ITGA9: variants seen among roughly 807,000 people sequenced by gnomAD.
The protein encoded by ITGA9 is integrin alpha-9.
Under a neutral mutation model 127.8 loss-of-function variants are expected in ITGA9, and 56 were observed. The ratio of observed to expected loss-of-function variants is 0.44; its 90% CI spans 0.35 to 0.55. The LOEUF is 0.55. ITGA9 is among the 20% of genes least tolerant of loss of function. ITGA9 has a pLI of 0.00. For synonymous variants in ITGA9, 508 were observed against 514.5 expected, an observed-to-expected ratio of 0.99 and a Z score of 0.17; for missense variants, 1,196 against 1,347.1, an observed-to-expected ratio of 0.89 and a Z score of 1.76.
intron 4 of ITGA9, among the ~76,000 whole-genome samples, chr3:37,493,276 G>T (rs1418281926): frequency 2.6e-5 from 4 of 152,302 alleles, no homozygotes; most frequent in South Asian, 2.1e-4. Context: ...GCAGGAAGTG[G>T]CACTGTGTTG....
chr3:37,736,930 A>G lies in ITGA9; in HGVS notation c.2181A>G (p.Thr727=). The G allele has an allele frequency of 1.2e-6, 2 of 1,613,780 alleles. No individual in the cohort carries two copies. Among genetic ancestry groups the G allele is most frequent in the Non-Finnish European group, 1.7e-6 (2 of 1,179,656 alleles). ...ATGAATTCAGCGTGATCTTTGATAC[A>G]AGCCACCTGTCTGGGGAAGAGGAAG... ...SKYEFSVIFD[T]SHLSGEEEVL... is the part of the protein sequence containing the mutation. Residue 727 remains threonine, a synonymous_variant, in exon 20 of 28, where the codon ACA becomes ACG. Transcript: ENST00000264741.
At chr3:37,773,517 TA>T (rs1373252034) in intron 23 of ITGA9, among the ~76,000 whole-genome samples, 1 of 152,178 alleles carries the variant, frequency 6.6e-6, no homozygotes, top group African/African-American at 2.4e-5. Flanking sequence ...CACAATGTAC[TA>T]TATATGCCTA....
intron 15 of ITGA9, among the ~76,000 whole-genome samples, chr3:37,622,476 C>T (rs1700137532): frequency 6.6e-6 from 1 of 152,072 alleles, no homozygotes; most frequent in Non-Finnish European, 1.5e-5. Context: ...GCTACAGGTA[C>T]AGTTTATAAT....
At chr3:37,801,923 G>A (rs1489200103) in intron 26 of ITGA9, among the ~76,000 whole-genome samples, 3 of 152,184 alleles carry the variant, frequency 2.0e-5, no homozygotes, top group African/African-American at 7.2e-5. Context: ...CGGGAATGGA[G>A]GCAATGAAGT....
chr3:37,513,746 A>G lies in ITGA9; in HGVS notation c.898-17A>G. On this transcript the variant is annotated splice_polypyrimidine_tract_variant and intron_variant, in intron 8 of 27. Transcript: ENST00000264741. ...AGCAGACACTGAATGCTTTGTTGCA[A>G]CTCAACTTGGTTGCAGATGGGCTCT... is the stretch of plus-strand genomic sequence containing the variant. The G allele has an allele frequency of 1.2e-6, 2 of 1,613,862 alleles. No homozygotes were observed. The highest frequency in any genetic ancestry group is 2.2e-5 in the East Asian group (1 of 44,858).
At chr3:37,753,180 C>G (rs1033193602) in intron 23 of ITGA9, among the ~76,000 whole-genome samples, 9 of 152,188 alleles carry the variant, frequency 5.9e-5, no homozygotes, top group Non-Finnish European at 1.3e-4. Context: ...CCTTTCTAGT[C>G]TATCTGAAAT....
intron 7 of ITGA9, among the ~76,000 whole-genome samples, chr3:37,508,263 A>T (rs1698865714): frequency 6.6e-6 from 1 of 152,248 alleles, no homozygotes; most frequent in Non-Finnish European, 1.5e-5. Context: ...GCTTTTTCTC[A>T]GAGTTGAATT....
chr3:37,503,240 C>T lies in ITGA9; in HGVS notation c.675C>T (p.Asn225=). Residue 225 remains asparagine, a synonymous_variant, in exon 6 of 28, where the codon AAC becomes AAT. Coordinates refer to ENST00000264741, the MANE Select transcript of ITGA9 (RefSeq NM_002207.3). ...GGGCTGGAACCATCAAAGTGCTGAA[C>T]CTTACGGACAACACCTATTTAAAAC... ...FYWAGTIKVL[N]LTDNTYLKLN... is the part of the protein sequence containing the mutation. The T allele has an allele frequency of 1.9e-6, 3 of 1,614,068 alleles. No homozygotes were observed. Among genetic ancestry groups the T allele is most frequent in the Non-Finnish European group, 2.5e-6 (3 of 1,179,986 alleles).
chr3:37,706,924 A>G (rs1005761821), intron 18 of ITGA9, among the ~76,000 whole-genome samples: 2 of 152,322 alleles, frequency 1.3e-5, no homozygotes, highest in African/African-American at 2.4e-5. Flanking sequence ...CTATGTTCTA[A>G]GTACAGATGA....
At chr3:37,759,495 A>AT in intron 23 of ITGA9, among the ~76,000 whole-genome samples, 1 of 152,360 alleles carries the variant, frequency 6.6e-6, no homozygotes, top group South Asian at 2.1e-4. Context: ...GATTCATCAA[A>AT]TAAAGAATAT....
intron 23 of ITGA9, among the ~76,000 whole-genome samples, chr3:37,775,246 GACA>G (rs1188855350): frequency 1.2e-4 from 18 of 152,198 alleles, no homozygotes; most frequent in African/African-American, 3.9e-4. Context: ...CATACCTGCA[GACA>G]ACAAGCATGT....
Position 37,546,222 on chromosome 3 carries a change from A to G in ITGA9, c.1689+3637A>G, listed in dbSNP as rs73828416. ...TGTCCTAGAATTCTAGCTGGATTTC[A>G]TTGTTTGTCAAAGTTGCTGATAAAG... On this transcript the variant is annotated intron_variant, in intron 15 of 27. Transcript: ENST00000264741. Among the ~76,000 whole-genome samples the G allele has an allele frequency of 2.2e-3, 342 of 152,288 alleles. 3 individuals are homozygous for G. The highest frequency in any genetic ancestry group is 7.7e-3 in the African/African-American group (318 of 41,560).
intron 17 of ITGA9, among the ~76,000 whole-genome samples, chr3:37,664,857 A>G (rs1700570898): frequency 6.6e-6 from 1 of 152,102 alleles, no homozygotes; most frequent in Non-Finnish European, 1.5e-5. Flanking sequence ...ATAGGAACTC[A>G]TCAGAAACCT....
At chr3:37,729,654 A>G (rs17036835) in intron 18 of ITGA9, among the ~76,000 whole-genome samples, 2,828 of 151,354 alleles carry the variant, frequency 0.019, 82 homozygotes, top group African/African-American at 0.065. Flanking sequence ...TATTTCACAC[A>G]TGCAAAAACT....
intron 15 of ITGA9, among the ~76,000 whole-genome samples, chr3:37,598,646 G>T (rs1699889954): frequency 6.6e-6 from 1 of 152,134 alleles, no homozygotes; most frequent in Non-Finnish European, 1.5e-5. Context: ...CTGCTCTATG[G>T]GATTTTGCCC....
At chr3:37,474,008 A>C (rs1237411368) in intron 3 of ITGA9, among the ~76,000 whole-genome samples, 1 of 152,242 alleles carries the variant, frequency 6.6e-6, no homozygotes, top group Non-Finnish European at 1.5e-5. Context: ...TCTTTCACTC[A>C]AAATAATATT....
intron 15 of ITGA9, among the ~76,000 whole-genome samples, chr3:37,574,269 A>G (rs1054284209): frequency 2.0e-5 from 3 of 152,208 alleles, no homozygotes; most frequent in African/African-American, 7.2e-5. Context: ...ACTCCCCACC[A>G]AAATAAACCC....
chr3:37,783,647 A>T (rs2685113), intron 25 of ITGA9, among the ~76,000 whole-genome samples: 5 of 151,980 alleles, frequency 3.3e-5, no homozygotes, highest in African/African-American at 1.2e-4. Flanking sequence ...CAAGATTATT[A>T]TTATTATTCA....
intron 20 of ITGA9, 73 bp downstream of exon 20, chr3:37,737,056 A>G: frequency 1.0e-6 from 1 of 987,064 alleles, no homozygotes; most frequent in Non-Finnish European, 1.6e-6. Context: ...TGTCCTGGTT[A>G]AGCTTTGATG....
Sources: gnomAD v4.1 joint callset for allele counts (sites outside exome capture counted in the v4.1 genomes callset) on GRCh38, gnomAD v4.1.1 for gene constraint, MANE v1.5 for transcripts, NCBI Gene and HGNC (gene_info 2026-07-23, HGNC 2026-07-21) for gene names.